NFAT5: variants seen among roughly 807,000 people sequenced by gnomAD.
NFAT5 encodes nuclear factor of activated T-cells 5.
A neutral mutation model predicts 166.5 loss-of-function variants in NFAT5; 31 were observed. That is an observed-to-expected ratio of 0.19 (90% CI 0.14 to 0.25). The LOEUF is 0.25. NFAT5 is among the 10% of genes least tolerant of loss of function. NFAT5 has a pLI of 1.00. For missense variants in NFAT5, 1,449 were observed against 1,821.8 expected (o/e 0.80, Z 3.72); for synonymous variants, 612 against 639.7 (o/e 0.96, Z 0.65).
intron 6 of NFAT5, among the ~76,000 whole-genome samples, chr16:69,657,523 G>C (rs1429345931): frequency 1.3e-5 from 2 of 151,250 alleles, no homozygotes; most frequent in Non-Finnish European, 2.9e-5. Context: ...CACTTTGGGA[G>C]GCCGAGGCAG....
chr16:69,572,346 C>T (rs1364665720), intron 2 of NFAT5, among the ~76,000 whole-genome samples: 3 of 152,068 alleles, frequency 2.0e-5, no homozygotes, highest in Non-Finnish European at 4.4e-5. Context: ...TTCAAAGTAA[C>T]TTGTGTTACA....
At chr16:69,660,041 T>A in intron 7 of NFAT5, 142 bp downstream of exon 7, 1 of 700,232 alleles carries the variant, frequency 1.4e-6, no homozygotes, top group Non-Finnish European at 2.3e-6. Flanking sequence ...AAAGCAGTAG[T>A]CAGATTTTCT....
At chr16:69,657,744 GC>G (rs1463136299) in intron 6 of NFAT5, among the ~76,000 whole-genome samples, 2 of 123,520 alleles carry the variant, frequency 1.6e-5, no homozygotes, top group African/African-American at 3.1e-5. Context: ...GGGCAACAGA[GC>G]AAGACTCCAT....
At chr16:69,616,654 C>G (rs1696885420) in intron 2 of NFAT5, among the ~76,000 whole-genome samples, 1 of 152,104 alleles carries the variant, frequency 6.6e-6, no homozygotes, top group South Asian at 2.1e-4. Context: ...GAGCCATCCT[C>G]CCCTGCACAG....
intron 3 of NFAT5, 50 bp downstream of exon 3, chr16:69,626,578 C>T (rs1194848584): frequency 1.6e-5 from 23 of 1,437,274 alleles, no homozygotes; most frequent in Non-Finnish European, 2.1e-5. Flanking sequence ...CAATATAAAT[C>T]TGGCCAACAT....
intron 2 of NFAT5, among the ~76,000 whole-genome samples, chr16:69,617,837 A>G (rs940461211): frequency 6.6e-6 from 1 of 152,094 alleles, no homozygotes; most frequent in Non-Finnish European, 1.5e-5. Context: ...ACCTAGTAGA[A>G]AAAAGATATG....
At chr16:69,640,735 A>C (rs1030696035) in intron 3 of NFAT5, among the ~76,000 whole-genome samples, 4 of 152,184 alleles carry the variant, frequency 2.6e-5, no homozygotes, top group Non-Finnish European at 5.9e-5. Flanking sequence ...TAATCCCAGC[A>C]CTATGGGAGG....
In NFAT5 at chr16:69,700,503, C is replaced by T. The variant is rs1050466480; in HGVS notation, c.*4152C>T. The T allele has an allele frequency of 8.5e-5, 13 of 152,096 alleles. No homozygotes were observed. The highest frequency in any genetic ancestry group is 1.4e-4 in the African/African-American group (6 of 41,416). 9.4% of individuals were successfully genotyped at this position (152,096 alleles called of 1,614,324 possible). ...TCAACAAATAATGACCAGGACAAAA[C>T]GATTTAATAATTAAAGTCTCAAATC... On this transcript the variant is annotated 3_prime_UTR_variant, in exon 15 of 15. Coordinates refer to ENST00000349945, the MANE Select transcript of NFAT5 (RefSeq NM_138713.4).
intron 3 of NFAT5, among the ~76,000 whole-genome samples, chr16:69,634,829 T>C (rs1278442804): frequency 6.6e-6 from 1 of 152,210 alleles, no homozygotes; most frequent in Non-Finnish European, 1.5e-5. Context: ...ATCTCCTATA[T>C]AGATGGACTC....
At chr16:69,674,008 C>T (rs2036730307) in intron 9 of NFAT5, among the ~76,000 whole-genome samples, 1 of 151,758 alleles carries the variant, frequency 6.6e-6, no homozygotes, top group Non-Finnish European at 1.5e-5. Context: ...TTTGGGAGGC[C>T]GAGGCAGGTG....
intron 4 of NFAT5, chr16:69,648,784 G>A (rs1014962377): frequency 6.2e-5 from 60 of 964,332 alleles, no homozygotes; most frequent in African/African-American, 1.6e-4. Flanking sequence ...TGGTCAAGAA[G>A]CTTTAGATTG....
chr16:69,611,920 G>A (rs1353748113), intron 2 of NFAT5, among the ~76,000 whole-genome samples: 1 of 152,196 alleles, frequency 6.6e-6, no homozygotes, highest in Non-Finnish European at 1.5e-5. Flanking sequence ...TGTTGTTGAT[G>A]TATCCCCAGC....
At chr16:69,678,224 T>C (rs1193375383) in intron 10 of NFAT5, among the ~76,000 whole-genome samples, 1 of 150,768 alleles carries the variant, frequency 6.6e-6, no homozygotes, top group African/African-American at 2.4e-5. Context: ...TTTTTTTGCA[T>C]GTGAGTGGGA....
At chr16:69,677,173 T>C in intron 9 of NFAT5, 30 bp from the exon 10 acceptor site, 1 of 1,585,894 alleles carries the variant, frequency 6.3e-7, no homozygotes, top group Non-Finnish European at 8.5e-7. Flanking sequence ...ATTGCTTCTT[T>C]TCCAACTCTT....
At chr16:69,650,478 T>C (rs143525006) in intron 4 of NFAT5, among the ~76,000 whole-genome samples, 30 of 152,278 alleles carry the variant, frequency 2.0e-4, no homozygotes, top group African/African-American at 7.0e-4. Flanking sequence ...TTACATGATA[T>C]TCTTCTTTAA....
chr16:69,584,184 C>T (rs2031886401), intron 2 of NFAT5, among the ~76,000 whole-genome samples: 1 of 152,084 alleles, frequency 6.6e-6, no homozygotes, highest in African/African-American at 2.4e-5. Context: ...TGAGATCGTG[C>T]CACTGCACTC....
At chr16:69,584,908 A>G (rs998101640) in intron 2 of NFAT5, among the ~76,000 whole-genome samples, 2 of 152,174 alleles carry the variant, frequency 1.3e-5, no homozygotes, top group East Asian at 1.9e-4. Context: ...AAATATGTAT[A>G]TATATACATG....
At chr16:69,577,705 C>T (rs182380854) in intron 2 of NFAT5, among the ~76,000 whole-genome samples, 12 of 152,200 alleles carry the variant, frequency 7.9e-5, no homozygotes, top group African/African-American at 2.9e-4. Flanking sequence ...TCTGTCTTGA[C>T]CATGTGATTA....
Position 69,700,792 on chromosome 16 carries a change from A to T in NFAT5, c.*4441A>T, listed in dbSNP as rs1292263809. On this transcript the variant is annotated 3_prime_UTR_variant, in exon 15 of 15. Coordinates refer to ENST00000349945, the MANE Select transcript of NFAT5 (RefSeq NM_138713.4). ...ATACCCTAGTAAGTGGGTTAGTAGA[A>T]TCTCATAACATGTATTAAAAAGAGG... The T allele has an allele frequency of 1.3e-5, 2 of 152,158 alleles. No homozygotes were observed. Among genetic ancestry groups the T allele is most frequent in the East Asian group, 3.8e-4 (2 of 5,196 alleles). The allele number at this position is 152,158 out of a possible 1,614,324, so 9.4% of individuals were successfully genotyped here. A position where few individuals can be genotyped will look rare whatever the true frequency, so the allele number is the denominator to read the frequency against.
Sources: allele counts gnomAD v4.1 joint callset (sites outside exome capture counted in the v4.1 genomes callset), GRCh38; gene constraint gnomAD v4.1.1; transcripts MANE v1.5; gene names NCBI Gene and HGNC (gene_info 2026-07-23, HGNC 2026-07-21).